Variants in PANK4 observed in about 807,000 individuals in gnomAD.
PANK4 encodes the protein pantothenate kinase 4 (inactive).
PANK4 carries 40 observed loss-of-function variants against 87.9 expected under a neutral mutation model. The observed-to-expected ratio is 0.46, with a 90% CI of 0.35 to 0.59. The LOEUF (loss-of-function observed/expected upper bound fraction) is 0.59, where lower values mean the gene tolerates loss of function less well. Ranked by LOEUF, PANK4 falls within the 20% of genes least tolerant of loss-of-function variation. The probability of loss-of-function intolerance (pLI) is 0.00; values close to 1 mark genes in which losing one functional copy is unlikely to be tolerated. For missense variants in PANK4, 926 were observed against 1,072.3 expected, an observed-to-expected ratio of 0.86 and a Z score of 1.90; for synonymous variants, 524 against 467.4, an observed-to-expected ratio of 1.12 and a Z score of -1.56.
At chr1:2,526,438 G>C in intron 1 of PANK4, 26 bp downstream of exon 1, 1 of 1,247,034 alleles carries the variant, frequency 8.0e-7, no homozygotes, top group Non-Finnish European at 1.0e-6. Context: ...CCCGCAGCCC[G>C]CGCCCGGCGC....
intron 1 of PANK4, 90 bp downstream of exon 1, chr1:2,526,374 T>A (rs1643924136): frequency 2.8e-6 from 2 of 709,134 alleles, no homozygotes; most frequent in South Asian, 6.0e-5. Context: ...GCCCCCGCCC[T>A]TCGTCCTTCC....
rs1643608253 is a variant in PANK4 at position 2,508,661 on chromosome 1, A to G, written c.*186T>C. On this transcript the variant is annotated 3_prime_UTR_variant, in exon 19 of 19. Coordinates refer to ENST00000378466, the MANE Select transcript of PANK4 (RefSeq NM_018216.4). The surrounding 1 kb of genome is among the most constrained non-coding windows in gnomAD (Gnocchi z 5.1). Reference sequence around the variant, plus strand: ...TTCTTTAGCAGTTAAATAGATTCCAATATGAACGTCTCCCAGGACAAAGCT... The same window carrying G: ...TTCTTTAGCAGTTAAATAGATTCCAGTATGAACGTCTCCCAGGACAAAGCT... The G allele has an allele frequency of 1.9e-6, 1 of 536,512 alleles. No homozygotes were observed. The highest frequency in any genetic ancestry group is 1.9e-5 in the African/African-American group (1 of 52,558). 33.2% of individuals were successfully genotyped at this position (536,512 alleles called of 1,614,324 possible). A position where few individuals can be genotyped will look rare whatever the true frequency, so the allele number is the denominator to read the frequency against.
Position 2,519,003 on chromosome 1 carries a change from C to A in PANK4, c.1035+140G>T. On this transcript the variant is annotated intron_variant, in intron 7 of 18. Transcript: ENST00000378466. The surrounding 1 kb of genome is among the most constrained non-coding windows in gnomAD (Gnocchi z 8.3). ...AAAATGTAGGCTGCCCAGAATCAGT[C>A]AGAAGGGAGGGGTGCTGGGCTTCTT... is the stretch of plus-strand genomic sequence containing the variant. 1.3e-6 allele frequency: 1 copy of A among 769,844 alleles called. No individual in the cohort carries two copies. The highest frequency in any genetic ancestry group is 1.7e-5 in the South Asian group (1 of 57,964). The allele number at this position is 769,844 out of a possible 1,614,324, so 47.7% of individuals were successfully genotyped here. A position where few individuals can be genotyped will look rare whatever the true frequency, so the allele number is the denominator to read the frequency against.
chr1:2,525,100 G>A (rs1262667592), intron 1 of PANK4, among the ~76,000 whole-genome samples: 5 of 152,008 alleles, frequency 3.3e-5, no homozygotes, highest in Non-Finnish European at 7.4e-5. Flanking sequence ...CATTCTCATC[G>A]CCCCCCACTT....
At position 2,519,883 on chromosome 1, in the gene PANK4, G is replaced by A; in HGVS notation, c.771C>T (p.Val257=). Residue 257 remains valine (V), a synonymous_variant, in exon 6 of 19, where the codon GTC becomes GTT. Coordinates refer to ENST00000378466, the MANE Select transcript of PANK4 (RefSeq NM_018216.4). The surrounding 1 kb of genome is among the most constrained non-coding windows in gnomAD (Gnocchi z 8.3). ...CGAGAGTCTGGTGGGCGCCGCCGTA[G>A]ACGTCCCGCACCAGCATGTCCACAT... ...HSNVDMLVRD[V]YGGAHQTLGL... is the part of the protein sequence containing the mutation. The A allele has an allele frequency of 6.4e-7, 1 of 1,567,494 alleles. No homozygotes were observed. The highest frequency in any genetic ancestry group is 8.6e-7 in the Non-Finnish European group (1 of 1,156,434).
At chr1:2,514,219 G>A (rs1205000853) in intron 11 of PANK4, 130 bp from the exon 12 acceptor site, 2 of 1,114,382 alleles carry the variant, frequency 1.8e-6, no homozygotes, top group Non-Finnish European at 1.4e-6. Flanking sequence ...GGGGTCCAAG[G>A]GGGCTGTGCC....
chr1:2,512,889 C>T lies in PANK4; in HGVS notation c.1726G>A (p.Ala576Thr). The T allele has an allele frequency of 6.2e-7, 1 of 1,612,800 alleles. No homozygotes were observed. The highest frequency in any genetic ancestry group is 8.5e-7 in the Non-Finnish European group (1 of 1,179,858). Residue 576 changes from alanine (A) to threonine (T), a missense_variant and splice_region_variant, in exon 13 of 19, where the codon GCT (alanine) becomes ACT (threonine). By Grantham distance (58) the Ala-to-Thr change is moderately conservative. Transcript: ENST00000378466. Reference protein sequence around the residue: ...VFDWGAKAVSAVLESDPYFGF... With the variant: ...VFDWGAKAVSTVLESDPYFGF... ...TGCTCCGAGCCCGCAGACACCTACG[C>T]AGACACGGCTTTGGCCCCCCAGTCG...
At chr1:2,514,143 G>T in intron 11 of PANK4, 54 bp from the exon 12 acceptor site, 9 of 1,439,624 alleles carry the variant, frequency 6.3e-6, no homozygotes, top group Non-Finnish European at 7.8e-6. Flanking sequence ...ACACCCGCCC[G>T]TCTGCCATCC....
chr1:2,515,934 C>T lies in PANK4; in HGVS notation c.1219-217G>A, dbSNP rs1362668905. 20 of 594,422 alleles carry T rather than the reference C, an allele frequency of 3.4e-5. No individual in the cohort carries two copies. Among genetic ancestry groups the T allele is most frequent in the African/African-American group, 7.5e-5 (4 of 53,662 alleles). 36.8% of individuals were successfully genotyped at this position (594,422 alleles called of 1,614,324 possible). ...ACCCCCTGGTTTGACACTGGGGTTG[C>T]GTCTGCTCCCACCACACGCCTCCTG... On this transcript the variant is annotated intron_variant, in intron 9 of 18. Transcript: ENST00000378466. This position sits in a 1 kb window ranked among gnomAD's most constrained non-coding sequence, Gnocchi z 5.0.
rs768214014 is a variant in PANK4 at position 2,511,613 on chromosome 1, C to G, written c.1783+15G>C. Reference sequence around the variant, plus strand: ...CAGCACAAGGCAAGGCCCCAAGTTACTTGGCCATCCGTACCTTGTAACTTC... The same window carrying G: ...CAGCACAAGGCAAGGCCCCAAGTTAGTTGGCCATCCGTACCTTGTAACTTC... On this transcript the variant is annotated intron_variant, in intron 14 of 18. Coordinates refer to ENST00000378466, the MANE Select transcript of PANK4 (RefSeq NM_018216.4). 1.9e-6 allele frequency: 3 copies of G among 1,589,656 alleles called. No individual in the cohort carries two copies. In the South Asian group the frequency reaches 3.3e-5, roughly 18 times the overall value.
rs868598247 is a variant in PANK4 at position 2,518,546 on chromosome 1, C to T, written c.1087G>A (p.Gly363Arg). The T allele has an allele frequency of 2.5e-6, 4 of 1,572,892 alleles. No individual in the cohort carries two copies. The highest frequency in any genetic ancestry group is 1.7e-6 in the Non-Finnish European group (2 of 1,159,066). Residue 363 changes from glycine to arginine, a missense_variant, in exon 8 of 19, where the codon GGA becomes AGA. Gly to Arg is a moderately radical substitution (Grantham distance 125, BLOSUM62 -2). Transcript: ENST00000378466. ...LRHEGYLGAI[G>R]AFLKGAEQDN... ...TGCTCAGCTCCTTTCAGGAACGCTC[C>T]GATGGCTCCCAGGTAGCCTTCGTGC...
chr1:2,511,667 G>A lies in PANK4; in HGVS notation c.1744C>T (p.Pro582Ser), dbSNP rs140611930. 1.2e-5 allele frequency: 20 copies of A among 1,609,026 alleles called. No individual in the cohort carries two copies. In the African/African-American group the frequency reaches 2.1e-4, roughly 17 times the overall value. ...KAVSAVLESDPYFGFEEAKRK... is the reference protein window; with the variant it reads ...KAVSAVLESDSYFGFEEAKRK... Reference sequence around the variant, plus strand: ...TTTGCTTCTTCAAACCCAAAGTAGGGGTCGGATTCAAGGACACTGCATGGA... The same window carrying A: ...TTTGCTTCTTCAAACCCAAAGTAGGAGTCGGATTCAAGGACACTGCATGGA... Residue 582 changes from proline (P) to serine (S), a missense_variant, in exon 14 of 19, where the codon CCC (proline) becomes TCC (serine). Coordinates refer to ENST00000378466, the MANE Select transcript of PANK4 (RefSeq NM_018216.4).
chr1:2,511,338 C>T lies in PANK4; in HGVS notation c.1833G>A (p.Lys611=), dbSNP rs1017131679. The T allele has an allele frequency of 3.7e-6, 6 of 1,607,680 alleles. No homozygotes were observed. The African/African-American group carries it at 5.3e-5, about 14-fold the overall frequency. ...AGAGGTGGGAGGCCCCTCCACATAC[C>T]TTTAATCTCTGAAGCCACTCGCTGT... The part of the protein sequence containing the change: ...DSYSEWLQRL[K]GPPHKCALIF... Residue 611 remains lysine (K), a splice_region_variant and synonymous_variant, in exon 15 of 19, where the codon AAG becomes AAA. Coordinates refer to ENST00000378466, the MANE Select transcript of PANK4 (RefSeq NM_018216.4).
At chr1:2,517,233 G>C (rs1257264281) in intron 9 of PANK4, among the ~76,000 whole-genome samples, 1 of 152,210 alleles carries the variant, frequency 6.6e-6, no homozygotes, top group Admixed American at 6.5e-5. Flanking sequence ...GGCAGACCAG[G>C]GCTGCGGCCA....
Position 2,511,034 on chromosome 1 carries a change from G to C in PANK4, c.1834-252C>G, listed in dbSNP as rs113055676. Among the ~76,000 whole-genome samples the C allele has an allele frequency of 2.8e-4, 42 of 151,996 alleles. 1 individual carries two copies. Among genetic ancestry groups the C allele is most frequent in the African/African-American group, 1.0e-3 (42 of 41,484 alleles). On this transcript the variant is annotated intron_variant, in intron 15 of 18. Transcript: ENST00000378466. Reference sequence around the variant, plus strand: ...ACCCCAGAGGCACCGGGACGGGCCAGCCTGCAGGGGCTGAGACTGGGGCTT... The same window carrying C: ...ACCCCAGAGGCACCGGGACGGGCCACCCTGCAGGGGCTGAGACTGGGGCTT...
In PANK4 at chr1:2,526,530, T is replaced by C; in HGVS notation, c.58A>G (p.Ile20Val). The change falls in exon 1 of 19, where the codon ATC becomes GTC. Residue 20 changes from isoleucine to valine, a missense_variant. By Grantham distance (29) the Ile-to-Val change is conservative. Coordinates refer to ENST00000378466, the MANE Select transcript of PANK4 (RefSeq NM_018216.4). The part of the protein sequence containing the change: ...GSSGDSLDKS[I>V]TLPPDEIFRN... ...AAGATCTCGTCGGGGGGCAGCGTGATGCTCTTGTCCAGACTGTCCCCGCTG... is the reference window on the plus strand; with the variant it reads ...AAGATCTCGTCGGGGGGCAGCGTGACGCTCTTGTCCAGACTGTCCCCGCTG... 1 of 1,591,590 alleles carries C rather than the reference T, an allele frequency of 6.3e-7. No homozygotes were observed. Among genetic ancestry groups the C allele is most frequent in the African/African-American group, 1.4e-5 (1 of 72,932 alleles).
At position 2,511,694 on chromosome 1, in the gene PANK4, G is replaced by C. The variant is rs754575770; in HGVS notation, c.1728-11C>G. On this transcript the variant is annotated splice_polypyrimidine_tract_variant and intron_variant, in intron 13 of 18. Coordinates refer to ENST00000378466, the MANE Select transcript of PANK4 (RefSeq NM_018216.4). ...TCGGATTCAAGGACACTGCATGGAGGAGGAGAAAAGAAAATTAAGACAACA... is the reference window on the plus strand; with the variant it reads ...TCGGATTCAAGGACACTGCATGGAGCAGGAGAAAAGAAAATTAAGACAACA... The C allele has an allele frequency of 7.6e-6, 12 of 1,573,202 alleles. No homozygotes were observed. In the Admixed American group the frequency reaches 1.7e-4, roughly 22 times the overall value.
At chr1:2,526,403 G>A in intron 1 of PANK4, 61 bp downstream of exon 1, 2 of 956,158 alleles carry the variant, frequency 2.1e-6, no homozygotes, top group Non-Finnish European at 1.3e-6. Context: ...CCGCTCGCCG[G>A]CCCACCGCCG....
In PANK4 at chr1:2,520,326, G is replaced by A. The variant is rs778413329; in HGVS notation, c.695C>T (p.Thr232Met). The A allele has an allele frequency of 7.4e-6, 12 of 1,612,562 alleles. No homozygotes were observed. Among genetic ancestry groups the A allele is most frequent in the East Asian group, 2.2e-5 (1 of 44,884 alleles). Reference sequence around the variant, plus strand: ...TCTCTGGCAGCTGCCGCATACCTTCGTTTTGGTGAGCAGAGCGCCAAGCCC... The same window carrying A: ...TCTCTGGCAGCTGCCGCATACCTTCATTTTGGTGAGCAGAGCGCCAAGCCC... ...FWGLGALLTK[T>M]KKFDELLHLA... The change falls in exon 5 of 19, where the codon ACG becomes ATG. Residue 232 changes from threonine to methionine, a missense_variant. Physicochemically the swap from Thr to Met is moderately conservative, Grantham distance 81 (BLOSUM62 -1). Transcript: ENST00000378466. This position sits in a 1 kb window ranked among gnomAD's most constrained non-coding sequence, Gnocchi z 6.2.
Sources: gnomAD v4.1 joint callset for allele counts (sites outside exome capture counted in the v4.1 genomes callset) on GRCh38, gnomAD v4.1.1 for gene constraint, Gnocchi (gnomAD v3.1) non-coding constraint, MANE v1.5 for transcripts, NCBI Gene and HGNC (gene_info 2026-07-23, HGNC 2026-07-21) for gene names.